Variants in SWAP70 observed in about 807,000 individuals in gnomAD.
The protein encoded by SWAP70 is switching B cell complex subunit SWAP70.
Under a neutral mutation model 80.2 loss-of-function variants are expected in SWAP70, and 34 were observed. The ratio of observed to expected loss-of-function variants is 0.42; its 90% CI spans 0.32 to 0.56. SWAP70 has a LOEUF of 0.56. SWAP70 is among the 20% of genes least tolerant of loss of function. SWAP70 has a pLI of 0.09. For missense variants in SWAP70, 578 were observed against 690.7 expected, an observed-to-expected ratio of 0.84 and a Z score of 1.83; for synonymous variants, 239 against 238.5, an observed-to-expected ratio of 1.00 and a Z score of -0.02.
chr11:9,723,359 T>G (rs1851164454), intron 3 of SWAP70, among the ~76,000 whole-genome samples: 2 of 152,086 alleles, frequency 1.3e-5, no homozygotes. Context: ...CACAAAACAC[T>G]ATTTCTTTAT....
chr11:9,732,390 TG>T, intron 6 of SWAP70, 138 bp from the exon 7 acceptor site: 1 of 873,786 alleles, frequency 1.1e-6, no homozygotes, highest in Non-Finnish European at 1.8e-6. Context: ...CACACCACTA[TG>T]GAGTGACAAA....
intron 7 of SWAP70, among the ~76,000 whole-genome samples, chr11:9,734,324 G>A (rs988438473): frequency 1.3e-5 from 2 of 152,132 alleles, no homozygotes; most frequent in African/African-American, 4.8e-5. Context: ...CTTTGACTTA[G>A]CATTGTACAT....
chr11:9,724,976 T>G (rs1424560007), intron 4 of SWAP70, 91 bp downstream of exon 4: 4 of 938,494 alleles, frequency 4.3e-6, no homozygotes, highest in Non-Finnish European at 6.4e-6. Flanking sequence ...TATAAGTCAC[T>G]TATTTTCTTA....
chr11:9,740,264 CATGTA>C lies in SWAP70; in HGVS notation c.1273_1277del (p.Met425ProfsTer8). 5 of 1,614,200 alleles carry C rather than the reference CATGTA, an allele frequency of 3.1e-6. No individual in the cohort carries two copies. Among genetic ancestry groups the C allele is most frequent in the Non-Finnish European group, 4.2e-6 (5 of 1,180,018 alleles). ...TACAGCGAGTACGGGAGCTGGAAGA[CATGTA>C]CCTAAAGCTGCAGGAGGCTCTTGAA... On this transcript the variant is annotated frameshift_variant, in exon 9 of 12. Transcript: ENST00000318950. LOFTEE classifies it high-confidence loss of function.
At chr11:9,742,376 T>C (rs528060616) in intron 9 of SWAP70, among the ~76,000 whole-genome samples, 4 of 152,124 alleles carry the variant, frequency 2.6e-5, no homozygotes, top group African/African-American at 4.8e-5. Flanking sequence ...CTTGCTCTGT[T>C]ATCAGGCTGG....
At chr11:9,738,717 C>T (rs1029585550) in intron 8 of SWAP70, among the ~76,000 whole-genome samples, 6 of 148,594 alleles carry the variant, frequency 4.0e-5, no homozygotes, top group Non-Finnish European at 8.9e-5. Context: ...AAGAATTAGC[C>T]AGGCCTGTTG....
At chr11:9,725,100 A>G (rs1216099093) in intron 4 of SWAP70, 13 of 519,256 alleles carry the variant, frequency 2.5e-5, no homozygotes, top group Non-Finnish European at 3.0e-5. Flanking sequence ...CCTGGGTTCA[A>G]GGGATTCTCT....
intron 7 of SWAP70, among the ~76,000 whole-genome samples, chr11:9,737,620 G>GTAA (rs1382212626): frequency 2.0e-5 from 3 of 152,174 alleles, no homozygotes; most frequent in Non-Finnish European, 4.4e-5. Context: ...GAATGTGGCT[G>GTAA]GGCATGGTGG....
At chr11:9,669,944 G>A (rs951384976) in intron 1 of SWAP70, among the ~76,000 whole-genome samples, 1 of 151,996 alleles carries the variant, frequency 6.6e-6, no homozygotes, top group African/African-American at 2.4e-5. Context: ...TGTGGCCAAC[G>A]TGGCAAAACC....
At chr11:9,709,467 C>T (rs984821984) in intron 2 of SWAP70, among the ~76,000 whole-genome samples, 3 of 152,066 alleles carry the variant, frequency 2.0e-5, no homozygotes, top group Non-Finnish European at 2.9e-5. Context: ...ATTTACTAGC[C>T]ATGTGAACTT....
At chr11:9,699,684 A>G (rs539873410) in intron 2 of SWAP70, among the ~76,000 whole-genome samples, 1 of 151,940 alleles carries the variant, frequency 6.6e-6, no homozygotes, top group African/African-American at 2.4e-5. Context: ...GTGAGATCCT[A>G]TCTCTATAAA....
At chr11:9,697,619 A>G (rs1257958939) in intron 2 of SWAP70, among the ~76,000 whole-genome samples, 1 of 152,184 alleles carries the variant, frequency 6.6e-6, no homozygotes, top group Non-Finnish European at 1.5e-5. Context: ...ATATTTTTCA[A>G]GAATTTTGCA....
intron 1 of SWAP70, among the ~76,000 whole-genome samples, chr11:9,671,558 AT>A (rs1850392846): frequency 1.2e-4 from 7 of 58,824 alleles, no homozygotes; most frequent in Non-Finnish European, 2.1e-4. Context: ...AGAAATATAT[AT>A]AAATATATTT....
chr11:9,687,971 G>T (rs1157095823), intron 1 of SWAP70, among the ~76,000 whole-genome samples: 1 of 152,194 alleles, frequency 6.6e-6, no homozygotes, highest in Non-Finnish European at 1.5e-5. Context: ...AGGCAGAAGA[G>T]AAATGTTTCC....
At position 9,687,841 on chromosome 11, in the gene SWAP70, A is replaced by T. The variant is rs567141475; in HGVS notation, c.100-6305A>T. On this transcript the variant is annotated intron_variant, in intron 1 of 11. Transcript: ENST00000318950. ...ATATTTGATAAGTTAGATATTTGAG[A>T]TACCATTAGTATCTGAAACAGAACA... Among the ~76,000 whole-genome samples the T allele has an allele frequency of 1.6e-4, 24 of 152,336 alleles. No homozygotes were observed. In the Middle Eastern group the frequency reaches 0.01, roughly 65 times the overall value.
At chr11:9,729,648 C>T (rs1277771100) in intron 6 of SWAP70, among the ~76,000 whole-genome samples, 197 bp downstream of exon 6, 1 of 151,694 alleles carries the variant, frequency 6.6e-6, no homozygotes, top group Non-Finnish European at 1.5e-5. Flanking sequence ...ATAGCCACCA[C>T]GCCCAGCTAA....
At chr11:9,679,045 T>C (rs564673597) in intron 1 of SWAP70, among the ~76,000 whole-genome samples, 1 of 152,330 alleles carries the variant, frequency 6.6e-6, no homozygotes, top group Admixed American at 6.5e-5. Flanking sequence ...TACTGGAAAC[T>C]GCAGTTTTCA....
At chr11:9,712,735 C>CTT (rs71034736) in intron 2 of SWAP70, among the ~76,000 whole-genome samples, 14 of 132,156 alleles carry the variant, frequency 1.1e-4, no homozygotes, top group South Asian at 2.4e-4. Flanking sequence ...TATCTTCTTC[C>CTT]TTTTTTTTTT....
At chr11:9,700,560 G>T (rs920995579) in intron 2 of SWAP70, among the ~76,000 whole-genome samples, 1 of 152,156 alleles carries the variant, frequency 6.6e-6, no homozygotes, top group Non-Finnish European at 1.5e-5. Context: ...TTAATTCTGT[G>T]AGGCAGAATT....
Sources: allele counts gnomAD v4.1 joint callset (sites outside exome capture counted in the v4.1 genomes callset), GRCh38; gene constraint gnomAD v4.1.1; transcripts MANE v1.5; gene names NCBI Gene and HGNC (gene_info 2026-07-23, HGNC 2026-07-21).